The following UNC5C variants were observed in gnomAD, a reference collection of about 807,000 sequenced individuals.
UNC5C encodes the protein netrin receptor UNC5C.
UNC5C carries 47 observed loss-of-function variants against 99.8 expected under a neutral mutation model. The observed-to-expected ratio is 0.47, with a 90% CI of 0.37 to 0.60. The LOEUF (loss-of-function observed/expected upper bound fraction) is 0.60, where lower values mean the gene tolerates loss of function less well. Ranked by LOEUF, UNC5C falls within the 20% of genes least tolerant of loss-of-function variation. UNC5C has a pLI of 0.00. For synonymous variants in UNC5C, 487 were observed against 452.2 expected (o/e 1.08, Z -0.98); for missense variants, 1,062 against 1,165.9 (o/e 0.91, Z 1.30).
intron 1 of UNC5C, among the ~76,000 whole-genome samples, chr4:95,371,424 G>T (rs76009445): frequency 5.4e-5 from 2 of 37,076 alleles, no homozygotes; most frequent in African/African-American, 2.3e-4. Context: ...TATATTTTGT[G>T]GGGGGGGGGG....
chr4:95,364,606 C>G (rs1476833435), intron 1 of UNC5C, among the ~76,000 whole-genome samples: 1 of 152,252 alleles, frequency 6.6e-6, no homozygotes, highest in South Asian at 2.1e-4. Flanking sequence ...CTCAGTGACC[C>G]AGAGCCCAGG....
intron 7 of UNC5C, among the ~76,000 whole-genome samples, chr4:95,233,684 T>C (rs1410575187): frequency 1.3e-5 from 2 of 152,130 alleles, no homozygotes; most frequent in East Asian, 3.9e-4. Context: ...GCCTGTAATC[T>C]CAGCACTTTG....
intron 3 of UNC5C, among the ~76,000 whole-genome samples, chr4:95,280,558 G>A (rs990167651): frequency 2.3e-4 from 35 of 151,992 alleles, no homozygotes; most frequent in African/African-American, 8.0e-4. Context: ...GCATGGTGGC[G>A]TGGGCCTGTA....
chr4:95,468,489 AT>A (rs1747867452), intron 1 of UNC5C, among the ~76,000 whole-genome samples: 1 of 151,974 alleles, frequency 6.6e-6, no homozygotes, highest in South Asian at 2.1e-4. Context: ...ATCTTTCATC[AT>A]TTCCTTGATT....
At chr4:95,463,367 C>T in intron 1 of UNC5C, among the ~76,000 whole-genome samples, 1 of 152,096 alleles carries the variant, frequency 6.6e-6, no homozygotes, top group Non-Finnish European at 1.5e-5. Context: ...AGATGCCAGG[C>T]TCTCCTGATT....
chr4:95,529,610 CCAG>C (rs1380531470), intron 1 of UNC5C, among the ~76,000 whole-genome samples: 1 of 151,698 alleles, frequency 6.6e-6, no homozygotes, highest in Non-Finnish European at 1.5e-5. Context: ...CCTGTAGGTC[CCAG>C]CTACTCAGGA....
intron 14 of UNC5C, among the ~76,000 whole-genome samples, chr4:95,178,382 A>C (rs1204328437): frequency 6.6e-6 from 1 of 152,212 alleles, no homozygotes; most frequent in African/African-American, 2.4e-5. Flanking sequence ...GGTGCCTCCC[A>C]GCTCTTCTGT....
chr4:95,173,934 A>G (rs1419117197), intron 14 of UNC5C, among the ~76,000 whole-genome samples: 2 of 152,080 alleles, frequency 1.3e-5, no homozygotes, highest in African/African-American at 4.8e-5. Flanking sequence ...TTATTGGTCT[A>G]TTCAGAGATT....
At chr4:95,268,110 C>T (rs1170934653) in intron 4 of UNC5C, among the ~76,000 whole-genome samples, 1 of 151,930 alleles carries the variant, frequency 6.6e-6, no homozygotes, top group Non-Finnish European at 1.5e-5. Context: ...CCACCGCGCC[C>T]GGTTAATTTT....
rs146501748 is a variant in UNC5C, at chr4:95,498,238, T to C, written c.124+50496A>G. Among the ~76,000 whole-genome samples, 58 of 152,122 alleles carry C rather than the reference T, an allele frequency of 3.8e-4. No homozygotes were observed. In the East Asian group the frequency reaches 0.011, roughly 28 times the overall value. On this transcript the variant is annotated intron_variant, in intron 1 of 15. Coordinates refer to ENST00000453304, the MANE Select transcript of UNC5C (RefSeq NM_003728.4). ...TAACAATATTTTGAATAATCATTCT[T>C]TTTGAGTTGTTTTATTCAGCCCCAT...
intron 1 of UNC5C, among the ~76,000 whole-genome samples, chr4:95,483,906 C>G (rs1721249867): frequency 6.6e-6 from 1 of 151,830 alleles, no homozygotes; most frequent in South Asian, 2.1e-4. Flanking sequence ...AAATGGGATT[C>G]ACAATACAGT....
At chr4:95,487,853 C>T (rs1194060441) in intron 1 of UNC5C, among the ~76,000 whole-genome samples, 5 of 151,744 alleles carry the variant, frequency 3.3e-5, no homozygotes, top group Non-Finnish European at 5.9e-5. Context: ...AGAAAGTATA[C>T]TTTATGACCT....
chr4:95,212,068 T>C (rs1048014289), intron 10 of UNC5C, among the ~76,000 whole-genome samples: 4 of 152,182 alleles, frequency 2.6e-5, no homozygotes, highest in African/African-American at 9.7e-5. Context: ...AAAAATAACA[T>C]GATAAGCAAA....
chr4:95,248,720 A>G, intron 5 of UNC5C: 2 of 366,160 alleles, frequency 5.5e-6, no homozygotes, highest in South Asian at 2.1e-5. Context: ...TCAGTCAAGG[A>G]CAGACTTCAT....
intron 1 of UNC5C, among the ~76,000 whole-genome samples, chr4:95,538,481 G>T (rs1349671752): frequency 2.6e-5 from 4 of 152,174 alleles, no homozygotes; most frequent in African/African-American, 7.2e-5. Context: ...CTTGCATTCA[G>T]CATTAAACAG....
intron 4 of UNC5C, among the ~76,000 whole-genome samples, chr4:95,259,560 G>A (rs1435742110): frequency 6.6e-6 from 1 of 152,096 alleles, no homozygotes; most frequent in Non-Finnish European, 1.5e-5. Context: ...GGCCAATATT[G>A]TTTGTATGCT....
Position 95,202,937 on chromosome 4 carries a change from A to G in UNC5C, c.1930T>C (p.Phe644Leu), listed in dbSNP as rs1468872887. Residue 644 changes from phenylalanine to leucine, a missense_variant, in exon 12 of 16, where the codon TTC becomes CTC. Around this residue, in one of 3 missense-constraint regions of UNC5C, gnomAD observed 810 missense variants for 854.5 expected, o/e 0.95. Transcript: ENST00000453304. ...EDVVVVGEEN[F>L]TTPCYIQLDA... ...AGCTGAATGTAGCAGGGGGTGGTGAAGTTTTCCTCCCCGACCACCACCACA... is the reference window on the plus strand; with the variant it reads ...AGCTGAATGTAGCAGGGGGTGGTGAGGTTTTCCTCCCCGACCACCACCACA... 1.5e-5 allele frequency: 24 copies of G among 1,614,064 alleles called. No homozygotes were observed. Among genetic ancestry groups the G allele is most frequent in the Middle Eastern group, 1.7e-4 (1 of 6,038 alleles).
intron 10 of UNC5C, among the ~76,000 whole-genome samples, chr4:95,211,220 G>T (rs1016549777): frequency 6.6e-6 from 1 of 152,200 alleles, no homozygotes; most frequent in Non-Finnish European, 1.5e-5. Context: ...CCTAGGCTCA[G>T]CTGCCTTTTA....
intron 2 of UNC5C, among the ~76,000 whole-genome samples, chr4:95,308,011 C>T (rs180715000): frequency 3.9e-5 from 6 of 152,252 alleles, no homozygotes; most frequent in Admixed American, 2.0e-4. Flanking sequence ...CCTGGCATTA[C>T]GTTCAACAGT....
Sources: gnomAD v4.1 joint callset for allele counts (sites outside exome capture counted in the v4.1 genomes callset) on GRCh38, gnomAD v4.1.1 for gene constraint, gnomAD v4.1.1 regional missense constraint, MANE v1.5 for transcripts, NCBI Gene and HGNC (gene_info 2026-07-23, HGNC 2026-07-21) for gene names.